CDH13: variants seen among roughly 807,000 people sequenced by gnomAD.
CDH13 encodes the protein cadherin-13.
In CDH13, 24 loss-of-function variants were observed where a neutral mutation model predicts 63.8. The observed-to-expected ratio is 0.38, with a 90% confidence interval of 0.27 to 0.53. The LOEUF (loss-of-function observed/expected upper bound fraction) is 0.53. CDH13 is among the 20% of genes least tolerant of loss of function. CDH13 has a pLI of 0.85. For synonymous variants in CDH13, 503 were observed against 355.3 expected, an observed-to-expected ratio of 1.42 and a Z score of -4.67; for missense variants, 1,049 against 903.1, an observed-to-expected ratio of 1.16 and a Z score of -2.07.
At chr16:83,706,550 A>C (rs1907087305) in intron 10 of CDH13, among the ~76,000 whole-genome samples, 1 of 152,174 alleles carries the variant, frequency 6.6e-6, no homozygotes, top group Non-Finnish European at 1.5e-5. Context: ...TGGCATGGGG[A>C]AATCAGTGAA....
intron 5 of CDH13, among the ~76,000 whole-genome samples, chr16:83,227,369 C>G (rs1168309617): frequency 6.6e-6 from 1 of 152,292 alleles, no homozygotes; most frequent in South Asian, 2.1e-4. Context: ...TGGAAGCTGA[C>G]ATTGATCAGG....
chr16:83,720,204 C>T (rs558995717), intron 10 of CDH13, among the ~76,000 whole-genome samples: 5 of 152,280 alleles, frequency 3.3e-5, no homozygotes, highest in African/African-American at 1.2e-4. Context: ...CACGTTCACA[C>T]ACTTGTGCAT....
chr16:83,379,237 G>A (rs1251638868), intron 6 of CDH13, among the ~76,000 whole-genome samples: 2 of 152,170 alleles, frequency 1.3e-5, no homozygotes, highest in South Asian at 2.1e-4. Context: ...GGTTTAGAAG[G>A]GCACTGACTA....
intron 1 of CDH13, among the ~76,000 whole-genome samples, chr16:82,636,799 T>G (rs1316160923): frequency 6.6e-6 from 1 of 152,214 alleles, no homozygotes; most frequent in Non-Finnish European, 1.5e-5. Context: ...TTGTAGCTCT[T>G]GCCAATTTCT....
At chr16:83,781,025 T>C (rs1201317974) in intron 12 of CDH13, among the ~76,000 whole-genome samples, 1 of 152,232 alleles carries the variant, frequency 6.6e-6, no homozygotes, top group Non-Finnish European at 1.5e-5. Flanking sequence ...CAGACTTGAC[T>C]TGGTTTAATG....
rs115922273 is a variant in CDH13 at position 83,619,404 on chromosome 16, G to A, written c.1101+16810G>A. On this transcript the variant is annotated intron_variant, in intron 8 of 13. Coordinates refer to ENST00000567109, the MANE Select transcript of CDH13 (RefSeq NM_001257.5). ...TCAGGGAGGGCTTCTCAGAGGAGGT[G>A]ACTGTATTCATTTCCTGGGCTGCCA... Among the ~76,000 whole-genome samples the A allele has an allele frequency of 3.0e-3, 453 of 152,354 alleles. 1 individual carries two copies. The highest frequency in any genetic ancestry group is 0.01 in the African/African-American group (433 of 41,582).
At chr16:83,340,305 A>AGTGTGTGT (rs147527566) in intron 5 of CDH13, among the ~76,000 whole-genome samples, 2,969 of 150,342 alleles carry the variant, frequency 0.02, 26 homozygotes, top group Middle Eastern at 0.038. Context: ...CCTACATCTG[A>AGTGTGTGT]GTGTGTGTGT....
chr16:83,302,923 C>G (rs2151878010), intron 5 of CDH13, among the ~76,000 whole-genome samples: 1 of 152,286 alleles, frequency 6.6e-6, no homozygotes, highest in African/African-American at 2.4e-5. Flanking sequence ...GGCAGACTTC[C>G]AGGTGCAGTC....
At chr16:83,758,469 AT>A (rs1425463842) in intron 11 of CDH13, among the ~76,000 whole-genome samples, 1 of 152,190 alleles carries the variant, frequency 6.6e-6, no homozygotes, top group Non-Finnish European at 1.5e-5. Flanking sequence ...TAAAAAAAAA[AT>A]AACAGAAGGA....
intron 3 of CDH13, among the ~76,000 whole-genome samples, chr16:83,058,912 A>T (rs58278234): frequency 0.011 from 1,655 of 152,234 alleles, 34 homozygotes; most frequent in African/African-American, 0.039. Context: ...TGCTTTTTTT[A>T]ATCTTCTTAA....
intron 3 of CDH13, among the ~76,000 whole-genome samples, chr16:83,033,415 G>A (rs1470738204): frequency 6.6e-6 from 1 of 152,022 alleles, no homozygotes; most frequent in Non-Finnish European, 1.5e-5. Flanking sequence ...CTGTTGTTTT[G>A]TTTTGTTTCC....
At chr16:82,892,010 G>C (rs1048238688) in intron 2 of CDH13, among the ~76,000 whole-genome samples, 6 of 152,136 alleles carry the variant, frequency 3.9e-5, no homozygotes, top group African/African-American at 7.2e-5. Context: ...GCATGAGGTT[G>C]AAAGCTCAGA....
intron 10 of CDH13, among the ~76,000 whole-genome samples, chr16:83,742,919 G>T (rs1805403804): frequency 6.6e-6 from 1 of 152,196 alleles, no homozygotes; most frequent in African/African-American, 2.4e-5. Flanking sequence ...AACAAAATAA[G>T]CAAACTGGCC....
At chr16:82,683,179 C>T (rs1454178839) in intron 1 of CDH13, among the ~76,000 whole-genome samples, 2 of 152,146 alleles carry the variant, frequency 1.3e-5, no homozygotes, top group Admixed American at 6.5e-5. Flanking sequence ...CTGGTGTGGT[C>T]TTACTAAACC....
intron 6 of CDH13, among the ~76,000 whole-genome samples, chr16:83,357,028 A>T (rs1443948585): frequency 6.6e-6 from 1 of 152,076 alleles, no homozygotes; most frequent in African/African-American, 2.4e-5. Context: ...ATACTAGTTT[A>T]TAAAAGGCTT....
intron 1 of CDH13, among the ~76,000 whole-genome samples, chr16:82,670,517 C>A (rs1187811609): frequency 1.3e-5 from 2 of 152,162 alleles, no homozygotes; most frequent in Admixed American, 6.5e-5. Flanking sequence ...GGTGACCATG[C>A]ACTACCCAGG....
intron 2 of CDH13, among the ~76,000 whole-genome samples, chr16:83,005,474 C>G (rs12932869): frequency 6.6e-6 from 1 of 152,176 alleles, no homozygotes; most frequent in Non-Finnish European, 1.5e-5. Context: ...CACCACTGAG[C>G]TAGGCCACTC....
intron 1 of CDH13, chr16:82,829,223 T>A (rs1312747755): frequency 6.6e-6 from 1 of 152,248 alleles, no homozygotes; most frequent in Non-Finnish European, 1.5e-5. Context: ...CATCTTTTAT[T>A]TTGACTTAAT....
At chr16:83,601,505 G>A (rs1303564987) in intron 7 of CDH13, among the ~76,000 whole-genome samples, 1 of 152,156 alleles carries the variant, frequency 6.6e-6, no homozygotes, top group Non-Finnish European at 1.5e-5. Flanking sequence ...ACATGTGACA[G>A]CCTGTGCGAC....
Sources: allele counts gnomAD v4.1 joint callset (sites outside exome capture counted in the v4.1 genomes callset), GRCh38; gene constraint gnomAD v4.1.1; transcripts MANE v1.5; gene names NCBI Gene and HGNC (gene_info 2026-07-23, HGNC 2026-07-21).